RASAL2: variants seen among roughly 807,000 people sequenced by gnomAD.
The protein encoded by RASAL2 is ras GTPase-activating protein nGAP.
A neutral mutation model predicts 128.9 loss-of-function variants in RASAL2; 58 were observed. The observed-to-expected ratio is 0.45, with a 90% confidence interval of 0.36 to 0.56. The LOEUF (loss-of-function observed/expected upper bound fraction) is 0.56. RASAL2 is among the 20% of genes least tolerant of loss of function. The probability of loss-of-function intolerance (pLI) is 0.00; values close to 1 mark genes in which losing one functional copy is unlikely to be tolerated. For missense variants in RASAL2, 1,360 were observed against 1,601.6 expected (o/e 0.85, Z 2.57); for synonymous variants, 561 against 580.8 (o/e 0.97, Z 0.49).
At chr1:178,376,231 G>A (rs1249769154) in intron 3 of RASAL2, among the ~76,000 whole-genome samples, 1 of 152,136 alleles carries the variant, frequency 6.6e-6, no homozygotes, top group African/African-American at 2.4e-5. Context: ...AGAGACTGTT[G>A]ATAACCTGTG....
At chr1:178,404,947 G>C (rs1462726332) in intron 4 of RASAL2, among the ~76,000 whole-genome samples, 1 of 151,988 alleles carries the variant, frequency 6.6e-6, no homozygotes, top group Non-Finnish European at 1.5e-5. Context: ...CTCTCGAAGC[G>C]CTGGGATTAC....
intron 1 of RASAL2, among the ~76,000 whole-genome samples, chr1:178,259,322 G>A (rs1400935690): frequency 5.3e-5 from 8 of 151,498 alleles, no homozygotes; most frequent in African/African-American, 7.3e-5. Flanking sequence ...TAGTAGAGAC[G>A]GGGTTTCACC....
intron 3 of RASAL2, among the ~76,000 whole-genome samples, chr1:178,361,477 A>T (rs1671103941): frequency 6.6e-6 from 1 of 152,008 alleles, no homozygotes; most frequent in Admixed American, 6.6e-5. Context: ...AGCTATTAGT[A>T]CCCGTTAGCT....
chr1:178,220,219 G>A (rs1663569399), intron 1 of RASAL2, among the ~76,000 whole-genome samples: 1 of 152,040 alleles, frequency 6.6e-6, no homozygotes, highest in Admixed American at 6.6e-5. Flanking sequence ...TCAACCTGAG[G>A]TATTCCTTTA....
intron 5 of RASAL2, among the ~76,000 whole-genome samples, chr1:178,422,817 A>G (rs1675243673): frequency 6.6e-6 from 1 of 152,170 alleles, no homozygotes; most frequent in African/African-American, 2.4e-5. Flanking sequence ...AGTTAAATGT[A>G]GTAAGCAGCT....
Position 178,467,333 on chromosome 1 carries a change from G to A in RASAL2, c.3591-1G>A. The stretch of plus-strand genomic sequence containing the variant: ...GATATTTCCTTCCTGCCACATTCTA[G>A]GCTAATGGCTGTGGAAGAGGAACTG... On this transcript the variant is annotated splice_acceptor_variant, in intron 16 of 17. Transcript: ENST00000367649. LOFTEE classifies it high-confidence loss of function. 6.2e-7 allele frequency: 1 copy of A among 1,613,268 alleles called. No homozygotes were observed. Among genetic ancestry groups the A allele is most frequent in the Non-Finnish European group, 8.5e-7 (1 of 1,179,242 alleles).
In RASAL2 at chr1:178,442,738, C is replaced by T. The variant is rs1352407112; in HGVS notation, c.991C>T (p.Pro331Ser). Residue 331 changes from proline (P) to serine (S), a missense_variant, in exon 8 of 18, where the codon CCT (proline) becomes TCT (serine). This residue lies in a region of RASAL2 where 617 missense variants were observed against 714.2 expected (regional missense o/e 0.86). Coordinates refer to ENST00000367649, the MANE Select transcript of RASAL2 (RefSeq NM_170692.4). Reference protein sequence around the residue: ...LWIIEAKDLAPKKKYFCELCL... With the variant: ...LWIIEAKDLASKKKYFCELCL... ...GATCATTGAAGCCAAGGACCTTGCC[C>T]CTAAAAAGAAATATTTCTGCGAACT... The T allele has an allele frequency of 3.1e-6, 5 of 1,613,700 alleles. No individual in the cohort carries two copies. The highest frequency in any genetic ancestry group is 4.2e-6 in the Non-Finnish European group (5 of 1,179,876).
intron 17 of RASAL2, among the ~76,000 whole-genome samples, 154 bp from the exon 18 acceptor site, chr1:178,472,921 A>G (rs557105896): frequency 1.3e-5 from 2 of 152,336 alleles, no homozygotes; most frequent in South Asian, 4.1e-4. Context: ...GCTGAACCTG[A>G]CCAGTGTGCA....
At chr1:178,151,149 T>A (rs974291936) in intron 1 of RASAL2, among the ~76,000 whole-genome samples, 5 of 152,186 alleles carry the variant, frequency 3.3e-5, no homozygotes, top group Non-Finnish European at 1.5e-5. Context: ...CGTCTGTAAG[T>A]AATCCCAGCA....
intron 3 of RASAL2, chr1:178,341,704 C>T (rs1309889470): frequency 1.3e-6 from 2 of 1,548,318 alleles, no homozygotes; most frequent in African/African-American, 1.4e-5. Context: ...GACTATTTAC[C>T]TTTATGATTA....
At chr1:178,320,763 C>T (rs866267897) in intron 3 of RASAL2, among the ~76,000 whole-genome samples, 1 of 152,230 alleles carries the variant, frequency 6.6e-6, no homozygotes, top group African/African-American at 2.4e-5. Flanking sequence ...CTGCCTCGCT[C>T]ACGCTGGGAG....
chr1:178,289,728 T>TTACC (rs145094011), intron 2 of RASAL2, among the ~76,000 whole-genome samples: 167 of 152,282 alleles, frequency 1.1e-3, no homozygotes, highest in African/African-American at 3.3e-3. Context: ...ACTTCATGAC[T>TTACC]TACCATAGGT....
At chr1:178,457,018 A>C in intron 13 of RASAL2, 119 bp downstream of exon 13, 15 of 944,792 alleles carry the variant, frequency 1.6e-5, no homozygotes, top group Non-Finnish European at 2.2e-5. Context: ...CTGAAGACTC[A>C]TCTGACCTGA....
intron 1 of RASAL2, among the ~76,000 whole-genome samples, chr1:178,169,663 C>T (rs960312100): frequency 6.6e-6 from 1 of 151,872 alleles, no homozygotes. Flanking sequence ...CTTTCCCAGC[C>T]GTTCTATTTA....
chr1:178,454,406 C>G (rs1006574471), intron 11 of RASAL2, 41 bp from the exon 12 acceptor site: 2 of 1,485,256 alleles, frequency 1.3e-6, no homozygotes, highest in East Asian at 4.5e-5. Flanking sequence ...TCATATCTCT[C>G]TTGAATATGT....
At chr1:178,163,714 C>A (rs550313208) in intron 1 of RASAL2, among the ~76,000 whole-genome samples, 2 of 152,106 alleles carry the variant, frequency 1.3e-5, no homozygotes, top group African/African-American at 4.8e-5. Flanking sequence ...TGGGAAAATG[C>A]GAGTACTCCA....
chr1:178,105,827 T>G (rs1021099290), intron 1 of RASAL2, among the ~76,000 whole-genome samples: 1 of 152,026 alleles, frequency 6.6e-6, no homozygotes, highest in Non-Finnish European at 1.5e-5. Flanking sequence ...TGTGCACCAC[T>G]GCGCCCAGCT....
intron 1 of RASAL2, among the ~76,000 whole-genome samples, chr1:178,229,037 A>G (rs1167754847): frequency 1.3e-5 from 2 of 152,176 alleles, no homozygotes; most frequent in African/African-American, 4.8e-5. Flanking sequence ...AACTCCCATA[A>G]ATCCTTTACT....
chr1:178,136,971 A>T (rs974845456), intron 1 of RASAL2, among the ~76,000 whole-genome samples: 1 of 152,062 alleles, frequency 6.6e-6, no homozygotes, highest in Non-Finnish European at 1.5e-5. Context: ...TGTAGTGGGG[A>T]TAAGATTGGA....
Sources: gnomAD v4.1 joint callset for allele counts (sites outside exome capture counted in the v4.1 genomes callset) on GRCh38, gnomAD v4.1.1 for gene constraint, gnomAD v4.1.1 regional missense constraint, MANE v1.5 for transcripts, NCBI Gene and HGNC (gene_info 2026-07-23, HGNC 2026-07-21) for gene names.